ORC4: variants seen among roughly 807,000 people sequenced by gnomAD.
ORC4 encodes origin recognition complex, subunit 4 homolog.
A neutral mutation model predicts 63.9 loss-of-function variants in ORC4; 55 were observed. That is an observed-to-expected ratio of 0.86 (90% CI 0.69 to 1.08). ORC4 has a LOEUF of 1.08. Ranked by LOEUF, ORC4 falls within the 50% of genes least tolerant of loss-of-function variation. The pLI is 0.00. For missense variants in ORC4, 511 were observed against 504.4 expected (o/e 1.01, Z -0.13); for synonymous variants, 150 against 168.5 (o/e 0.89, Z 0.85).
intron 1 of ORC4, among the ~76,000 whole-genome samples, chr2:148,001,959 C>G (rs1692338709): frequency 6.6e-6 from 1 of 152,060 alleles, no homozygotes; most frequent in African/African-American, 2.4e-5. Flanking sequence ...GGGTTGCAAT[C>G]CTAGTCTCTG....
At chr2:147,960,475 G>T in intron 4 of ORC4, 3 of 496,818 alleles carry the variant, frequency 6.0e-6, no homozygotes, top group Non-Finnish European at 7.8e-6. Context: ...ATATTTAGTT[G>T]GTTATTAATA....
intron 13 of ORC4, chr2:147,937,836 C>A: frequency 3.2e-6 from 1 of 315,900 alleles, no homozygotes; most frequent in South Asian, 4.1e-5. Context: ...CCTTTTACTG[C>A]TGAGATTATA....
intron 1 of ORC4, among the ~76,000 whole-genome samples, chr2:148,001,575 CA>C (rs1692310444): frequency 6.6e-6 from 1 of 152,052 alleles, no homozygotes; most frequent in African/African-American, 2.4e-5. Flanking sequence ...ATTTTGTCAC[CA>C]CCAGGCCTGC....
intron 1 of ORC4, among the ~76,000 whole-genome samples, chr2:147,992,699 T>G (rs1691695501): frequency 6.6e-6 from 1 of 152,206 alleles, no homozygotes; most frequent in Admixed American, 6.5e-5. Context: ...GTAAGTATGA[T>G]ACTGCTAGGG....
intron 10 of ORC4, among the ~76,000 whole-genome samples, 160 bp from the exon 11 acceptor site, chr2:147,939,408 T>C (rs1453302194): frequency 1.3e-5 from 2 of 152,174 alleles, no homozygotes; most frequent in Non-Finnish European, 2.9e-5. Flanking sequence ...ATACAGTATT[T>C]CAATTTGTGT....
At chr2:147,979,064 C>T (rs893253636) in intron 1 of ORC4, among the ~76,000 whole-genome samples, 1 of 152,206 alleles carries the variant, frequency 6.6e-6, no homozygotes, top group East Asian at 1.9e-4. Context: ...GACAAGAATG[C>T]CCACTTTGGC....
chr2:147,950,657 C>G (rs889512281), intron 8 of ORC4, among the ~76,000 whole-genome samples: 1 of 150,450 alleles, frequency 6.6e-6, no homozygotes, highest in African/African-American at 2.4e-5. Context: ...CCCAGCTACT[C>G]GGGAGGCTAA....
At chr2:147,956,316 G>A (rs959520923) in intron 6 of ORC4, among the ~76,000 whole-genome samples, 4 of 152,026 alleles carry the variant, frequency 2.6e-5, no homozygotes, top group African/African-American at 4.8e-5. Context: ...ATAATTTACC[G>A]TAATATAACA....
chr2:147,943,726 C>T (rs1313880521), intron 9 of ORC4, among the ~76,000 whole-genome samples: 2 of 152,108 alleles, frequency 1.3e-5, no homozygotes, highest in African/African-American at 2.4e-5. Flanking sequence ...CTGTTCTTTA[C>T]GTTAATTCAA....
At chr2:148,002,401 TAACA>T (rs1692372863) in intron 1 of ORC4, among the ~76,000 whole-genome samples, 1 of 152,056 alleles carries the variant, frequency 6.6e-6, no homozygotes, top group South Asian at 2.1e-4. Flanking sequence ...AATGAAGTCA[TAACA>T]AACAGTCTCC....
chr2:147,951,622 T>G (rs968298103), intron 8 of ORC4: 2 of 152,196 alleles, frequency 1.3e-5, no homozygotes, highest in Admixed American at 1.3e-4. Context: ...TGCGCTTGAA[T>G]TTTTCAGCCT....
intron 1 of ORC4, among the ~76,000 whole-genome samples, chr2:147,996,418 A>C (rs2105418966): frequency 6.6e-6 from 1 of 152,358 alleles, no homozygotes; most frequent in East Asian, 1.9e-4. Flanking sequence ...CAATCCATGA[A>C]AGAAAATAAA....
chr2:147,956,356 T>G (rs1689251567), intron 6 of ORC4, among the ~76,000 whole-genome samples: 1 of 152,108 alleles, frequency 6.6e-6, no homozygotes, highest in Non-Finnish European at 1.5e-5. Flanking sequence ...TGTTGGGAAA[T>G]CAGTGGTCAG....
At chr2:148,004,451 T>C (rs1336962570) in intron 1 of ORC4, among the ~76,000 whole-genome samples, 1 of 152,040 alleles carries the variant, frequency 6.6e-6, no homozygotes, top group East Asian at 1.9e-4. Flanking sequence ...TCCTCAGAAA[T>C]AACACCATAC....
At chr2:147,962,038 A>G (rs1326445726) in intron 4 of ORC4, among the ~76,000 whole-genome samples, 1 of 152,136 alleles carries the variant, frequency 6.6e-6, no homozygotes. Flanking sequence ...TGTTGAAGGG[A>G]GAGTACTGGA....
At chr2:147,960,202 A>C (rs1204130127) in intron 4 of ORC4, 1 of 941,986 alleles carries the variant, frequency 1.1e-6, no homozygotes, top group Non-Finnish European at 1.3e-6. Flanking sequence ...GCATAAGGAG[A>C]GTTGTAACAG....
At chr2:147,964,306 G>C (rs1391983855) in intron 4 of ORC4, among the ~76,000 whole-genome samples, 1 of 151,816 alleles carries the variant, frequency 6.6e-6, no homozygotes, top group Non-Finnish European at 1.5e-5. Context: ...GTTAATGAAT[G>C]AAATAGAAAA....
chr2:147,981,511 A>T (rs1256414997), intron 1 of ORC4, among the ~76,000 whole-genome samples: 1 of 152,214 alleles, frequency 6.6e-6, no homozygotes. Context: ...TAAGGGAGGG[A>T]CTACAATAGG....
intron 13 of ORC4, 100 bp downstream of exon 13, chr2:147,938,046 A>T: frequency 1.2e-6 from 1 of 811,680 alleles, no homozygotes. Context: ...TCTCTATAAT[A>T]CTTAATGTTT....
Sources: gnomAD v4.1 joint callset for allele counts (sites outside exome capture counted in the v4.1 genomes callset) on GRCh38, gnomAD v4.1.1 for gene constraint, MANE v1.5 for transcripts, NCBI Gene and HGNC (gene_info 2026-07-23, HGNC 2026-07-21) for gene names.